PIK3C3: variants seen among roughly 807,000 people sequenced by gnomAD.
PIK3C3 encodes phosphatidylinositol 3-kinase catalytic subunit type 3.
Under a neutral mutation model 126.1 loss-of-function variants are expected in PIK3C3, and 95 were observed. The observed-to-expected ratio is 0.75, with a 90% CI of 0.64 to 0.89. The LOEUF (loss-of-function observed/expected upper bound fraction) is 0.89. Among genes scored for constraint, PIK3C3 ranks in the 40% least tolerant of loss-of-function variants. The probability of loss-of-function intolerance (pLI) is 0.00; values close to 1 mark genes in which losing one functional copy is unlikely to be tolerated. For synonymous variants in PIK3C3, 374 were observed against 360.0 expected, an observed-to-expected ratio of 1.04 and a Z score of -0.44; for missense variants, 829 against 1,063.2, an observed-to-expected ratio of 0.78 and a Z score of 3.06.
In PIK3C3 at chr18:42,054,911, CCAT is replaced by C. The variant is rs543946703; in HGVS notation, c.2264-2971_2264-2969del. On this transcript the variant is annotated intron_variant, in intron 21 of 24. Transcript: ENST00000262039. ...TTTTCTTTGCTTGTTTGTTTTACCA[CCAT>C]GAGATGAATAATGCCTTTTTTTTTT... Among the ~76,000 whole-genome samples, 12 of 151,652 alleles carry C rather than the reference CCAT, an allele frequency of 7.9e-5. No homozygotes were observed. In the South Asian group the frequency reaches 2.1e-3, roughly 26 times the overall value.
chr18:42,016,995 C>T (rs1983104239), intron 12 of PIK3C3, among the ~76,000 whole-genome samples: 1 of 152,054 alleles, frequency 6.6e-6, no homozygotes, highest in African/African-American at 2.4e-5. Context: ...TCTGATATTT[C>T]TCTTGTGATT....
At chr18:41,984,135 AAC>A (rs1981348987) in intron 4 of PIK3C3, among the ~76,000 whole-genome samples, 2 of 152,048 alleles carry the variant, frequency 1.3e-5, no homozygotes, top group Admixed American at 1.3e-4. Context: ...GAGTAATTGA[AAC>A]AGTTTGTCCT....
intron 12 of PIK3C3, among the ~76,000 whole-genome samples, chr18:42,016,521 A>G (rs1010817907): frequency 2.0e-5 from 3 of 152,118 alleles, no homozygotes; most frequent in African/African-American, 4.8e-5. Context: ...AGACAGTTAC[A>G]ATGTTTGCCT....
chr18:42,029,796 A>G lies in PIK3C3; in HGVS notation c.1707+355A>G, dbSNP rs995018735. 2.6e-5 allele frequency among the ~76,000 whole-genome samples: 4 copies of G among 151,406 alleles called. No homozygotes were observed. The South Asian group carries it at 6.3e-4, about 24-fold the overall frequency. ...GACCGTAGGTGATCCACCCGCCTCA[A>G]CCTCCCAAAGTGCTGGGATTACAGG... is the stretch of plus-strand genomic sequence containing the variant. On this transcript the variant is annotated intron_variant, in intron 15 of 24. Coordinates refer to ENST00000262039, the MANE Select transcript of PIK3C3 (RefSeq NM_002647.4).
chr18:42,047,769 C>G (rs1984621841), intron 20 of PIK3C3, among the ~76,000 whole-genome samples: 1 of 152,154 alleles, frequency 6.6e-6, no homozygotes, highest in Non-Finnish European at 1.5e-5. Context: ...AATTCTGATT[C>G]AGTAGGACTG....
In PIK3C3 at chr18:42,029,319, C is replaced by A; in HGVS notation, c.1591-6C>A. 6.2e-7 allele frequency: 1 copy of A among 1,600,306 alleles called. No individual in the cohort carries two copies. The highest frequency in any genetic ancestry group is 1.1e-5 in the South Asian group (1 of 90,740). ...AACTAATTTTTTCTCACTTTGAACC[C>A]TTCAGGGTGATAAGTCTGTCAGAGT... is the stretch of plus-strand genomic sequence containing the variant. On this transcript the variant is annotated splice_polypyrimidine_tract_variant and splice_region_variant and intron_variant, in intron 14 of 24. Transcript: ENST00000262039.
At position 42,037,703 on chromosome 18, in the gene PIK3C3, G is replaced by C; in HGVS notation, c.1851G>C (p.Met617Ile). The C allele has an allele frequency of 6.2e-7, 1 of 1,611,416 alleles. No individual in the cohort carries two copies. The highest frequency in any genetic ancestry group is 8.5e-7 in the Non-Finnish European group (1 of 1,178,210). The change falls in exon 17 of 25, where the codon ATG (methionine) becomes ATC (isoleucine). Residue 617 changes from methionine (M) to isoleucine (I), a missense_variant. Physicochemically the swap from Met to Ile is conservative, Grantham distance 10. Coordinates refer to ENST00000262039, the MANE Select transcript of PIK3C3 (RefSeq NM_002647.4). ...TTTTTATTTTCCAGAGTGCCCTTAT[G>C]CCTGCACAGTTGTTTTTTAAGACGG... is the stretch of plus-strand genomic sequence containing the variant. ...ETATLFKSAL[M>I]PAQLFFKTED... is the part of the protein sequence containing the mutation.
At chr18:42,072,659 G>T (rs1169682256) in intron 24 of PIK3C3, among the ~76,000 whole-genome samples, 2 of 152,038 alleles carry the variant, frequency 1.3e-5, no homozygotes, top group Non-Finnish European at 2.9e-5. Flanking sequence ...AGCCTCCCTG[G>T]TAGCTAGGAG....
chr18:42,020,044 A>C (rs1983252149), intron 12 of PIK3C3, among the ~76,000 whole-genome samples: 1 of 152,060 alleles, frequency 6.6e-6, no homozygotes, highest in Non-Finnish European at 1.5e-5. Flanking sequence ...ATCTTAACTG[A>C]TCTCAGGTCT....
At chr18:41,988,913 A>C (rs1276851846) in intron 5 of PIK3C3, among the ~76,000 whole-genome samples, 1 of 152,100 alleles carries the variant, frequency 6.6e-6, no homozygotes, top group Non-Finnish European at 1.5e-5. Flanking sequence ...ATCACTGGGT[A>C]TAGAAAACGT....
intron 15 of PIK3C3, among the ~76,000 whole-genome samples, chr18:42,030,845 T>C (rs912024149): frequency 4.6e-5 from 7 of 152,184 alleles, no homozygotes; most frequent in African/African-American, 1.4e-4. Context: ...CAGTTTGTTT[T>C]AGTGCCAGGA....
At chr18:41,964,537 T>A (rs545763895) in intron 3 of PIK3C3, among the ~76,000 whole-genome samples, 5 of 152,198 alleles carry the variant, frequency 3.3e-5, no homozygotes, top group South Asian at 2.1e-4. Flanking sequence ...TATTTATGTA[T>A]TGAATAAATA....
intron 21 of PIK3C3, among the ~76,000 whole-genome samples, chr18:42,052,167 G>T (rs1292357956): frequency 6.6e-6 from 1 of 152,050 alleles, no homozygotes; most frequent in Non-Finnish European, 1.5e-5. Context: ...ATTTGTGTGT[G>T]TGCGTATGTG....
chr18:41,990,443 T>C lies in PIK3C3; in HGVS notation c.619-16T>C. ...TGAAAATAATCATTTTTCATGAAAA[T>C]CATTTTTTTTTTCAGAGTGAAAAAC... On this transcript the variant is annotated splice_polypyrimidine_tract_variant and intron_variant, in intron 5 of 24. Transcript: ENST00000262039. 7.2e-7 allele frequency: 1 copy of C among 1,396,066 alleles called. No individual in the cohort carries two copies. Among genetic ancestry groups the C allele is most frequent in the Non-Finnish European group, 1.0e-6 (1 of 983,768 alleles). 86.5% of individuals were successfully genotyped at this position (1,396,066 alleles called of 1,614,324 possible). A position where few individuals can be genotyped will look rare whatever the true frequency, so the allele number is the denominator to read the frequency against.
intron 14 of PIK3C3, among the ~76,000 whole-genome samples, chr18:42,028,537 A>C (rs2144438518): frequency 6.6e-6 from 1 of 152,348 alleles, no homozygotes; most frequent in East Asian, 1.9e-4. Context: ...TGCTTTTAAA[A>C]ATTTAAATCA....
chr18:41,957,846 A>G (rs1001341505), intron 2 of PIK3C3, 88 bp downstream of exon 2: 4 of 1,034,784 alleles, frequency 3.9e-6, no homozygotes, highest in East Asian at 2.4e-5. Context: ...AGGATTATAG[A>G]GGAATTTCTT....
Position 41,970,513 on chromosome 18 carries a change from A to ATTGACAT in PIK3C3, c.531+58_531+59insTGACATT, listed in dbSNP as rs776903178. On this transcript the variant is annotated intron_variant, in intron 4 of 24. Coordinates refer to ENST00000262039, the MANE Select transcript of PIK3C3 (RefSeq NM_002647.4). ...CTCTGACTGATGTCTATTGTAGTATATATACCTTGACATTATGAACTCTGT... is the reference window on the plus strand; with the variant it reads ...CTCTGACTGATGTCTATTGTAGTATATTGACATTATACCTTGACATTATGAACTCTGT... The ATTGACAT allele has an allele frequency of 2.1e-6, 3 of 1,459,856 alleles. No individual in the cohort carries two copies. The South Asian group carries it at 3.4e-5, about 17-fold the overall frequency. 90.4% of individuals were successfully genotyped at this position (1,459,856 alleles called of 1,614,324 possible).
At position 42,066,581 on chromosome 18, in the gene PIK3C3, A is replaced by G. The variant is rs145096088; in HGVS notation, c.2524-807A>G. Among the ~76,000 whole-genome samples the G allele has an allele frequency of 9.7e-3, 1,481 of 152,252 alleles. 16 individuals carry two copies. The highest frequency in any genetic ancestry group is 0.034 in the African/African-American group (1,408 of 41,540). ...ATTCTCTGTGCCTCAATTTCTGCAT[A>G]TTATCGATGAGATATTATCTACTGT... On this transcript the variant is annotated intron_variant, in intron 23 of 24. Transcript: ENST00000262039.
At chr18:41,962,889 G>A (rs1480942963) in intron 3 of PIK3C3, among the ~76,000 whole-genome samples, 1 of 152,082 alleles carries the variant, frequency 6.6e-6, no homozygotes, top group Non-Finnish European at 1.5e-5. Context: ...GAAGTCATTG[G>A]GAAATAGAAC....
Sources: gnomAD v4.1 joint callset for allele counts (sites outside exome capture counted in the v4.1 genomes callset) on GRCh38, gnomAD v4.1.1 for gene constraint, MANE v1.5 for transcripts, NCBI Gene and HGNC (gene_info 2026-07-23, HGNC 2026-07-21) for gene names.